The following IFNG-AS1 variants were observed in gnomAD, a reference collection of about 807,000 sequenced individuals.
The protein encoded by IFNG-AS1 is IFNG antisense RNA 1 (non-protein coding).
At chr12:67,994,727 G>A (rs749388552) in intron 1 of IFNG-AS1, among the ~76,000 whole-genome samples, 1 of 152,176 alleles carries the variant, frequency 6.6e-6, no homozygotes, top group Non-Finnish European at 1.5e-5. Flanking sequence ...TGTACGTGAA[G>A]CACACAAACA....
chr12:68,007,313 A>G (rs1354998793), intron 3 of IFNG-AS1, among the ~76,000 whole-genome samples: 2 of 152,218 alleles, frequency 1.3e-5, no homozygotes, highest in East Asian at 3.8e-4. Flanking sequence ...ATCATTAACT[A>G]TCCTTATATG....
At chr12:68,018,749 T>C (rs1880213705) in intron 3 of IFNG-AS1, among the ~76,000 whole-genome samples, 1 of 149,452 alleles carries the variant, frequency 6.7e-6, no homozygotes, top group Non-Finnish European at 1.5e-5. Flanking sequence ...AGTCCTTACT[T>C]TTTTTTTATT....
At chr12:68,016,331 C>T (rs1880156070) in intron 3 of IFNG-AS1, among the ~76,000 whole-genome samples, 2 of 152,032 alleles carry the variant, frequency 1.3e-5, no homozygotes, top group African/African-American at 4.8e-5. Flanking sequence ...TTCCCAGGCC[C>T]TCACCCAGAC....
At chr12:68,002,233 G>T (rs557306225) in intron 2 of IFNG-AS1, among the ~76,000 whole-genome samples, 5 of 152,304 alleles carry the variant, frequency 3.3e-5, no homozygotes, top group African/African-American at 1.2e-4. Context: ...CTCCTAAACC[G>T]GCAAATGCAC....
At chr12:67,997,772 C>T (rs527276527) in intron 2 of IFNG-AS1, among the ~76,000 whole-genome samples, 1 of 151,360 alleles carries the variant, frequency 6.6e-6, no homozygotes, top group South Asian at 2.1e-4. Context: ...ATATATTCTG[C>T]TAATATATTA....
chr12:67,997,268 TAA>T (rs1212005501), intron 2 of IFNG-AS1, among the ~76,000 whole-genome samples: 2 of 152,020 alleles, frequency 1.3e-5, no homozygotes, highest in African/African-American at 4.8e-5. Context: ...TCTTCATAAT[TAA>T]GAGTGTAGGA....
At chr12:68,011,804 G>A (rs1880035378) in intron 3 of IFNG-AS1, among the ~76,000 whole-genome samples, 1 of 152,096 alleles carries the variant, frequency 6.6e-6, no homozygotes, top group African/African-American at 2.4e-5. Flanking sequence ...CCAACCTTAC[G>A]GGAGCCAAAA....
intron 3 of IFNG-AS1, among the ~76,000 whole-genome samples, chr12:68,013,820 G>A (rs1367083396): frequency 2.0e-5 from 3 of 152,172 alleles, no homozygotes; most frequent in African/African-American, 7.2e-5. Flanking sequence ...GGATATTGGG[G>A]TACAGGTGGT....
chr12:68,004,548 C>T (rs1565689265), intron 2 of IFNG-AS1, among the ~76,000 whole-genome samples: 1 of 152,252 alleles, frequency 6.6e-6, no homozygotes. Context: ...ATGTGTCACT[C>T]AGTCCACATG....
intron 1 of IFNG-AS1, among the ~76,000 whole-genome samples, chr12:67,993,333 T>TA (rs1435400089): frequency 2.0e-5 from 3 of 152,200 alleles, no homozygotes; most frequent in Non-Finnish European, 2.9e-5. Context: ...AGCATCAAAA[T>TA]ATCTAACTCT....
At chr12:67,994,904 C>G (rs11609077) in intron 1 of IFNG-AS1, among the ~76,000 whole-genome samples, 1 of 152,258 alleles carries the variant, frequency 6.6e-6, no homozygotes, top group South Asian at 2.1e-4. Flanking sequence ...TACCTAACCT[C>G]TTTATGCCTC....
Position 67,998,611 on chromosome 12 carries a change from T to A in IFNG-AS1, n.184+2538T>A, listed in dbSNP as rs377467305. ...CTACAGTTCTGACTTTTAGAAACCA[T>A]GGTAATGTTTCATTACCAAAAATAT... is the stretch of plus-strand genomic sequence containing the variant. On this transcript the variant is annotated intron_variant and non_coding_transcript_variant, in intron 2 of 5. Coordinates refer to ENST00000536914, the Ensembl canonical transcript of IFNG-AS1. Among the ~76,000 whole-genome samples, 8 of 152,100 alleles carry A rather than the reference T, an allele frequency of 5.3e-5. No individual in the cohort carries two copies. The East Asian group carries it at 1.2e-3, about 22-fold the overall frequency.
In IFNG-AS1 at chr12:68,004,584, A is replaced by T. The variant is rs1269672836; in HGVS notation, n.185-1506A>T. 2.0e-5 allele frequency among the ~76,000 whole-genome samples: 3 copies of T among 152,196 alleles called. No homozygotes were observed. The East Asian group carries it at 5.8e-4, about 29-fold the overall frequency. On this transcript the variant is annotated intron_variant and non_coding_transcript_variant, in intron 2 of 5. Coordinates refer to ENST00000536914, the Ensembl canonical transcript of IFNG-AS1. Reference sequence around the variant, plus strand: ...GGTCTTTGGAACATTTTTCTGGCACACCCTCTGGTTCTGACCATTTGCCCC... The same window carrying T: ...GGTCTTTGGAACATTTTTCTGGCACTCCCTCTGGTTCTGACCATTTGCCCC...
chr12:68,010,832 C>T (rs1880009719), intron 3 of IFNG-AS1, among the ~76,000 whole-genome samples: 1 of 152,142 alleles, frequency 6.6e-6, no homozygotes, highest in African/African-American at 2.4e-5. Flanking sequence ...ACCCTCGTGC[C>T]CTTGGGAAAT....
At chr12:67,990,187 T>C (rs1442643910) in intron 1 of IFNG-AS1, among the ~76,000 whole-genome samples, 1 of 152,268 alleles carries the variant, frequency 6.6e-6, no homozygotes, top group African/African-American at 2.4e-5. Flanking sequence ...TGCTTTTGTT[T>C]TGTTCTGTAT....
intron 3 of IFNG-AS1, among the ~76,000 whole-genome samples, chr12:68,017,356 T>G (rs1415442299): frequency 5.3e-5 from 8 of 152,142 alleles, no homozygotes; most frequent in Non-Finnish European, 1.2e-4. Flanking sequence ...GGCTGGAGTA[T>G]GATCCCATCA....
At chr12:68,019,469 C>T (rs1478644245) in intron 3 of IFNG-AS1, among the ~76,000 whole-genome samples, 1 of 152,190 alleles carries the variant, frequency 6.6e-6, no homozygotes, top group East Asian at 1.9e-4. Flanking sequence ...ATACACTGTG[C>T]TTCCCTGACT....
At chr12:68,019,153 A>G (rs1425397529) in intron 3 of IFNG-AS1, among the ~76,000 whole-genome samples, 2 of 152,134 alleles carry the variant, frequency 1.3e-5, no homozygotes, top group African/African-American at 2.4e-5. Context: ...TCTGACATGT[A>G]AAAATAGAAA....
chr12:68,009,860 T>C (rs1879986876), intron 3 of IFNG-AS1, among the ~76,000 whole-genome samples: 1 of 152,172 alleles, frequency 6.6e-6, no homozygotes, highest in Admixed American at 6.5e-5. Flanking sequence ...GAGCTAAGAA[T>C]TCAGTGCTGC....
Sources: allele counts gnomAD v4.1 joint callset (sites outside exome capture counted in the v4.1 genomes callset), GRCh38; gene constraint gnomAD v4.1.1; transcripts MANE v1.5; gene names NCBI Gene and HGNC (gene_info 2026-07-23, HGNC 2026-07-21).